The following PTDSS1 variants were observed in gnomAD, a reference collection of about 807,000 sequenced individuals.
PTDSS1 encodes phosphatidylserine synthase 1, also known as PSS-1.
A neutral mutation model predicts 70.5 loss-of-function variants in PTDSS1; 45 were observed. That is an observed-to-expected ratio of 0.64 (90% confidence interval 0.50 to 0.82). The LOEUF (loss-of-function observed/expected upper bound fraction) is 0.82, where lower values mean the gene tolerates loss of function less well. PTDSS1 is among the 40% of genes least tolerant of loss of function. PTDSS1 has a pLI of 0.00. For synonymous variants in PTDSS1, 188 were observed against 203.8 expected, an observed-to-expected ratio of 0.92 and a Z score of 0.66; for missense variants, 417 against 586.1, an observed-to-expected ratio of 0.71 and a Z score of 2.98.
intron 1 of PTDSS1, among the ~76,000 whole-genome samples, chr8:96,267,568 T>G (rs527714156): frequency 6.6e-6 from 1 of 152,328 alleles, no homozygotes; most frequent in African/African-American, 2.4e-5. Flanking sequence ...ACATATCACC[T>G]TTCTCCTGCT....
At chr8:96,301,678 CT>C (rs1267957366) in intron 6 of PTDSS1, among the ~76,000 whole-genome samples, 14 of 147,636 alleles carry the variant, frequency 9.5e-5, no homozygotes, top group Admixed American at 2.0e-4. Context: ...GCCCGGCTAA[CT>C]TTTTTTTTTG....
At position 96,262,144 on chromosome 8, in the gene PTDSS1, ACTT is replaced by A; in HGVS notation, c.110_112del (p.Phe37del). ...CAGCAAGTGGAGGACATCACCATTG[ACTT>A]CTTCTACCGGCCGCATACCATCACC... On this transcript the variant is annotated inframe_deletion, in exon 1 of 13. Transcript: ENST00000517309. The surrounding 1 kb of genome is among the most constrained non-coding windows in gnomAD (Gnocchi z 4.4). 1.9e-6 allele frequency: 3 copies of A among 1,613,872 alleles called. No homozygotes were observed. Among genetic ancestry groups the A allele is most frequent in the Non-Finnish European group, 2.5e-6 (3 of 1,179,834 alleles).
intron 6 of PTDSS1, among the ~76,000 whole-genome samples, chr8:96,303,492 G>A (rs977565765): frequency 6.6e-6 from 1 of 152,098 alleles, no homozygotes; most frequent in African/African-American, 2.4e-5. Flanking sequence ...TATACCTTGG[G>A]TTTTGGCTCT....
At chr8:96,285,691 ACCCATTC>A (rs1356978152) in intron 3 of PTDSS1, among the ~76,000 whole-genome samples, 1 of 151,968 alleles carries the variant, frequency 6.6e-6, no homozygotes, top group Non-Finnish European at 1.5e-5. Flanking sequence ...CTATAGATAG[ACCCATTC>A]CCTATGTGTG....
At chr8:96,286,794 T>C (rs1810828720) in intron 3 of PTDSS1, among the ~76,000 whole-genome samples, 1 of 152,232 alleles carries the variant, frequency 6.6e-6, no homozygotes, top group Non-Finnish European at 1.5e-5. Flanking sequence ...TCAGTCTAAG[T>C]TAGCATCAGT....
intron 9 of PTDSS1, among the ~76,000 whole-genome samples, chr8:96,311,223 AC>A (rs1432123424): frequency 3.9e-5 from 6 of 152,194 alleles, no homozygotes; most frequent in Admixed American, 6.5e-5. Context: ...CCATTTAGTG[AC>A]TGAAATTCCA....
In PTDSS1 at chr8:96,262,386, G is replaced by A. The variant is rs1232616974; in HGVS notation, c.179+167G>A. Among the ~76,000 whole-genome samples the A allele has an allele frequency of 6.6e-6, 1 of 152,094 alleles. No homozygotes were observed. Among genetic ancestry groups the A allele is most frequent in the Admixed American group, 6.5e-5 (1 of 15,284 alleles). On this transcript the variant is annotated intron_variant, in intron 1 of 12. Transcript: ENST00000517309. The surrounding 1 kb of genome is among the most constrained non-coding windows in gnomAD (Gnocchi z 4.4). ...GCCCACGCGGCCCCTCCGCCCGCCC[G>A]GTGTCTCACAGTACGCTAGCCTGCT...
chr8:96,288,411 G>T (rs928658953), intron 4 of PTDSS1, among the ~76,000 whole-genome samples: 1 of 151,870 alleles, frequency 6.6e-6, no homozygotes, highest in African/African-American at 2.4e-5. Context: ...TGCAGCCTCT[G>T]TCTCCCAGGT....
chr8:96,311,796 C>T (rs1435460226), intron 9 of PTDSS1, among the ~76,000 whole-genome samples: 4 of 152,182 alleles, frequency 2.6e-5, no homozygotes, highest in African/African-American at 9.7e-5. Flanking sequence ...TCACACATCT[C>T]CCAGATTTCT....
chr8:96,290,303 A>C (rs1810884693), intron 4 of PTDSS1, among the ~76,000 whole-genome samples: 1 of 152,196 alleles, frequency 6.6e-6, no homozygotes, highest in African/African-American at 2.4e-5. Context: ...TTTTGAACAA[A>C]AGTGGTCACA....
intron 4 of PTDSS1, among the ~76,000 whole-genome samples, chr8:96,293,263 T>G (rs1810931937): frequency 6.6e-6 from 1 of 152,182 alleles, no homozygotes; most frequent in Admixed American, 6.5e-5. Flanking sequence ...AAGCAAGAAA[T>G]AATAGTGGCA....
chr8:96,305,422 T>C (rs1050864321), intron 7 of PTDSS1, among the ~76,000 whole-genome samples: 1 of 152,184 alleles, frequency 6.6e-6, no homozygotes, highest in African/African-American at 2.4e-5. Context: ...TTCCATAATC[T>C]CCACCCCTTG....
At chr8:96,273,722 G>A (rs1810600379) in intron 2 of PTDSS1, among the ~76,000 whole-genome samples, 1 of 152,152 alleles carries the variant, frequency 6.6e-6, no homozygotes, top group Admixed American at 6.5e-5. Context: ...TTTTGTTGCT[G>A]TTTTTGTTAT....
chr8:96,284,224 C>A, intron 3 of PTDSS1, 71 bp downstream of exon 3: 1 of 1,352,108 alleles, frequency 7.4e-7, no homozygotes, highest in Non-Finnish European at 1.0e-6. Flanking sequence ...CACTTTAAGA[C>A]TTTTACTTGC....
rs894522824 is a variant in PTDSS1 at position 96,262,995 on chromosome 8, A to G, written c.179+776A>G. On this transcript the variant is annotated intron_variant, in intron 1 of 12. Coordinates refer to ENST00000517309, the MANE Select transcript of PTDSS1 (RefSeq NM_014754.3). This position sits in a 1 kb window ranked among gnomAD's most constrained non-coding sequence, Gnocchi z 4.4. Reference sequence around the variant, plus strand: ...ACATCACGCGGTGCATACCCTGCTCACTCATTACCTAACATACGTGCTGAA... The same window carrying G: ...ACATCACGCGGTGCATACCCTGCTCGCTCATTACCTAACATACGTGCTGAA... 6.6e-6 allele frequency among the ~76,000 whole-genome samples: 1 copy of G among 152,062 alleles called. No individual in the cohort carries two copies. Among genetic ancestry groups the G allele is most frequent in the Non-Finnish European group, 1.5e-5 (1 of 68,022 alleles).
intron 4 of PTDSS1, among the ~76,000 whole-genome samples, chr8:96,291,037 C>A (rs938119916): frequency 1.1e-4 from 17 of 151,504 alleles, no homozygotes; most frequent in Admixed American, 4.6e-4. Flanking sequence ...AATATTGATT[C>A]TATTCAAAAA....
At chr8:96,278,964 C>T (rs545089021) in intron 2 of PTDSS1, among the ~76,000 whole-genome samples, 2 of 141,820 alleles carry the variant, frequency 1.4e-5, no homozygotes, top group Non-Finnish European at 3.0e-5. Flanking sequence ...AAACACCATT[C>T]AGCCCCCCTT....
At position 96,328,948 on chromosome 8, in the gene PTDSS1, C is replaced by G. The variant is rs116634940; in HGVS notation, c.1174-1265C>G. 3.7e-3 allele frequency among the ~76,000 whole-genome samples: 570 copies of G among 152,212 alleles called. 3 individuals are homozygous for G. The highest frequency in any genetic ancestry group is 0.013 in the African/African-American group (538 of 41,532). Reference sequence around the variant, plus strand: ...GCCAATATTTGTATCAGTAGCCATCCCTTAAACCCAGATCCGGGGGTTTCA... The same window carrying G: ...GCCAATATTTGTATCAGTAGCCATCGCTTAAACCCAGATCCGGGGGTTTCA... On this transcript the variant is annotated intron_variant, in intron 10 of 12. Transcript: ENST00000517309.
At chr8:96,317,287 T>A (rs1811308356) in intron 9 of PTDSS1, among the ~76,000 whole-genome samples, 1 of 152,130 alleles carries the variant, frequency 6.6e-6, no homozygotes, top group African/African-American at 2.4e-5. Context: ...CTCTCCACAC[T>A]TATGTAATCC....
Sources: allele counts gnomAD v4.1 joint callset (sites outside exome capture counted in the v4.1 genomes callset), GRCh38; gene constraint gnomAD v4.1.1; non-coding constraint Gnocchi (gnomAD v3.1); transcripts MANE v1.5; gene names NCBI Gene and HGNC (gene_info 2026-07-23, HGNC 2026-07-21).